UGT1A4: variants seen among roughly 807,000 people sequenced by gnomAD.
UGT1A4 encodes the protein UDP glucuronosyltransferase family 1 member A4, also known as UDP-glucuronosyltransferase 1A4.
A neutral mutation model predicts 41.1 loss-of-function variants in UGT1A4; 32 were observed. The ratio of observed to expected loss-of-function variants is 0.78; its 90% CI spans 0.59 to 1.05. The LOEUF (loss-of-function observed/expected upper bound fraction) is 1.05, where lower values mean the gene tolerates loss of function less well. Ranked by LOEUF, UGT1A4 falls within the 50% of genes least tolerant of loss-of-function variation. The pLI, the probability that UGT1A4 is intolerant of heterozygous loss-of-function variation, is 0.00. For synonymous variants in UGT1A4, 283 were observed against 265.1 expected (o/e 1.07, Z -0.66); for missense variants, 748 against 677.4 (o/e 1.10, Z -1.16).
intron 4 of UGT1A4, 40 bp downstream of exon 4, chr2:233,768,479 T>C: frequency 6.3e-7 from 1 of 1,593,226 alleles, no homozygotes; most frequent in Non-Finnish European, 8.6e-7. Context: ...GGTCATGGCA[T>C]TCATGATAAA....
chr2:233,760,380 G>A, intron 1 of UGT1A4: 1 of 1,614,192 alleles, frequency 6.2e-7, no homozygotes, highest in Non-Finnish European at 8.5e-7. Flanking sequence ...GGAAGATACT[G>A]TTGATCCCAG....
At chr2:233,744,493 T>G (rs1190368915) in intron 1 of UGT1A4, among the ~76,000 whole-genome samples, 2 of 152,058 alleles carry the variant, frequency 1.3e-5, no homozygotes, top group Admixed American at 1.3e-4. Context: ...GGCAATTTAG[T>G]AAGAATAAAC....
intron 1 of UGT1A4, among the ~76,000 whole-genome samples, chr2:233,764,036 G>A (rs905956037): frequency 6.6e-6 from 1 of 152,136 alleles, no homozygotes; most frequent in South Asian, 2.1e-4. Flanking sequence ...TGCTAAAGAA[G>A]AATTCTGGGA....
chr2:233,772,894 C>CCA lies in UGT1A4; in HGVS notation c.*337_*338dup, dbSNP rs554656848. 8.1e-6 allele frequency: 4 copies of CCA among 491,752 alleles called. No individual in the cohort carries two copies. Among genetic ancestry groups the CCA allele is most frequent in the Non-Finnish European group, 1.3e-5 (4 of 303,172 alleles). The allele number at this position is 491,752 out of a possible 1,614,324, so 30.5% of individuals were successfully genotyped here. A position where few individuals can be genotyped will look rare whatever the true frequency, so the allele number is the denominator to read the frequency against. ...GGGAGTGCGGGATTCAAAGGTGGTC[C>CCA]CACGGCTGCCCCTACTGCAAATGGC... On this transcript the variant is annotated 3_prime_UTR_variant, in exon 5 of 5. Transcript: ENST00000373409.
rs34946978 is a variant in UGT1A4 at position 233,768,226 on chromosome 2, C to T, written c.1094C>T (p.Pro365Leu). 720 of 1,614,202 alleles carry T rather than the reference C, an allele frequency of 4.5e-4. 7 individuals carry two copies. The East Asian group carries it at 9.4e-3, about 21-fold the overall frequency. The change falls in exon 4 of 5, where the codon CCG becomes CTG. Residue 365 changes from proline to leucine, a missense_variant. By Grantham distance (98) the Pro-to-Leu change is moderately conservative. Transcript: ENST00000373409. Reference sequence around the variant, plus strand: ...TCCCTATTTTGCATCTCAGGTCACCCGATGACCCGTGCCTTTATCACCCAT... The same window carrying T: ...TCCCTATTTTGCATCTCAGGTCACCTGATGACCCGTGCCTTTATCACCCAT... The part of the protein sequence containing the change: ...WLPQNDLLGH[P>L]MTRAFITHAG...
chr2:233,754,850 A>C (rs1172788240), intron 1 of UGT1A4: 1 of 1,345,454 alleles, frequency 7.4e-7, no homozygotes, highest in African/African-American at 1.5e-5. Context: ...AGGCAGAGAA[A>C]AGGGGTGCAG....
intron 1 of UGT1A4, chr2:233,754,734 T>C (rs1381377212): frequency 1.5e-6 from 1 of 652,198 alleles, no homozygotes; most frequent in Middle Eastern, 2.9e-4. Flanking sequence ...ATCACTACCG[T>C]AGGACATGCA....
chr2:233,772,680 C>G lies in UGT1A4; in HGVS notation c.*121C>G. 6.5e-7 allele frequency: 1 copy of G among 1,530,096 alleles called. No individual in the cohort carries two copies. The highest frequency in any genetic ancestry group is 8.8e-7 in the Non-Finnish European group (1 of 1,141,550). 94.8% of individuals were successfully genotyped at this position (1,530,096 alleles called of 1,614,324 possible). Reference sequence around the variant, plus strand: ...AAGGAAATACTTTGCATAAATTAATCAGCCCCAGAGTGCTTTAAAAAATTC... The same window carrying G: ...AAGGAAATACTTTGCATAAATTAATGAGCCCCAGAGTGCTTTAAAAAATTC... On this transcript the variant is annotated 3_prime_UTR_variant, in exon 5 of 5. Transcript: ENST00000373409.
Position 233,719,031 on chromosome 2 carries a change from G to A in UGT1A4, c.211G>A (p.Glu71Lys). The A allele has an allele frequency of 1.9e-6, 3 of 1,614,284 alleles. No individual in the cohort carries two copies. The highest frequency in any genetic ancestry group is 2.2e-5 in the East Asian group (1 of 44,894). Residue 71 changes from glutamate to lysine, a missense_variant, in exon 1 of 5, where the codon GAA (glutamate) becomes AAA (lysine). Transcript: ENST00000373409. The stretch of plus-strand genomic sequence containing the variant: ...CCCAGAGGTGAATATGCACATCAAA[G>A]AAGAGAAATTTTTCACCCTGACAGC... ...LTPEVNMHIKEEKFFTLTAYA... is the reference protein window; with the variant it reads ...LTPEVNMHIKKEKFFTLTAYA...
intron 1 of UGT1A4, chr2:233,729,474 G>T: frequency 6.2e-7 from 1 of 1,614,208 alleles, no homozygotes. Context: ...GTATGGCAAT[G>T]TTGAACAATA....
At position 233,732,958 on chromosome 2, in the gene UGT1A4, C is replaced by T. The variant is rs75520741; in HGVS notation, c.867+13271C>T. Among the ~76,000 whole-genome samples, 102 of 152,154 alleles carry T rather than the reference C, an allele frequency of 6.7e-4. 1 individual carries two copies. Among genetic ancestry groups the T allele is most frequent in the Non-Finnish European group, 1.2e-3 (82 of 67,996 alleles). ...TATCCATGAGCATGGAATGTTCTTC[C>T]ATTTGTTTGTGTCTTCTTTTATTTC... On this transcript the variant is annotated intron_variant, in intron 1 of 4. Coordinates refer to ENST00000373409, the MANE Select transcript of UGT1A4 (RefSeq NM_007120.3).
chr2:233,759,291 G>C (rs2003569), intron 1 of UGT1A4, among the ~76,000 whole-genome samples: 1 of 152,064 alleles, frequency 6.6e-6, no homozygotes. Flanking sequence ...TGATGAAGCT[G>C]AGCCCTGAGT....
At chr2:233,752,269 G>A (rs746568947) in intron 1 of UGT1A4, 1 of 152,190 alleles carries the variant, frequency 6.6e-6, no homozygotes, top group Non-Finnish European at 1.5e-5. Flanking sequence ...AGGACTCCAG[G>A]TCTCTTGGGG....
At chr2:233,726,222 A>G (rs532622558) in intron 1 of UGT1A4, among the ~76,000 whole-genome samples, 1 of 152,320 alleles carries the variant, frequency 6.6e-6, no homozygotes, top group East Asian at 1.9e-4. Flanking sequence ...TTTAGAAAAC[A>G]TTTTTTAAAA....
At chr2:233,729,131 C>A (rs1449948739) in intron 1 of UGT1A4, 2 of 1,613,182 alleles carry the variant, frequency 1.2e-6, no homozygotes, top group East Asian at 4.5e-5. Context: ...GCTGAGATGG[C>A]CACAGGACTC....
Position 233,729,591 on chromosome 2 carries a change from C to T in UGT1A4, c.867+9904C>T, listed in dbSNP as rs142676251. Reference sequence around the variant, plus strand: ...ATGTGGTTTTAACAGACCCCGTTAACCTCTGCGCGGCAGTGCTGGCTAAGT... The same window carrying T: ...ATGTGGTTTTAACAGACCCCGTTAATCTCTGCGCGGCAGTGCTGGCTAAGT... On this transcript the variant is annotated intron_variant, in intron 1 of 4. Coordinates refer to ENST00000373409, the MANE Select transcript of UGT1A4 (RefSeq NM_007120.3). 633 of 1,613,962 alleles carry T rather than the reference C, an allele frequency of 3.9e-4. 1 individual carries two copies. Among genetic ancestry groups the T allele is most frequent in the Non-Finnish European group, 5.0e-4 (593 of 1,179,978 alleles).
At chr2:233,763,963 A>G (rs1698440106) in intron 1 of UGT1A4, among the ~76,000 whole-genome samples, 1 of 152,196 alleles carries the variant, frequency 6.6e-6, no homozygotes, top group Non-Finnish European at 1.5e-5. Flanking sequence ...GAAGGTTGAG[A>G]TATATGTGGG....
Position 233,740,507 on chromosome 2 carries a change from T to C in UGT1A4, c.867+20820T>C, listed in dbSNP as rs1011982264. ...CTTCCAGATGCTTTCCAGTGTGTGA[T>C]GTAAGCTGAACTAAAATCAGCTGTG... On this transcript the variant is annotated intron_variant, in intron 1 of 4. Coordinates refer to ENST00000373409, the MANE Select transcript of UGT1A4 (RefSeq NM_007120.3). Among the ~76,000 whole-genome samples the C allele has an allele frequency of 1.6e-4, 24 of 151,884 alleles. 2 individuals carry two copies. Among genetic ancestry groups the C allele is most frequent in the African/African-American group, 5.6e-4 (23 of 41,150 alleles).
At chr2:233,738,068 C>G (rs1312345006) in intron 1 of UGT1A4, among the ~76,000 whole-genome samples, 1 of 152,082 alleles carries the variant, frequency 6.6e-6, no homozygotes, top group Non-Finnish European at 1.5e-5. Context: ...GGGAGGTCCC[C>G]ACCTCCTAAT....
Sources: allele counts gnomAD v4.1 joint callset (sites outside exome capture counted in the v4.1 genomes callset), GRCh38; gene constraint gnomAD v4.1.1; transcripts MANE v1.5; gene names NCBI Gene and HGNC (gene_info 2026-07-23, HGNC 2026-07-21).